The following PCDH11X variants were observed in gnomAD, a reference collection of about 807,000 sequenced individuals.
PCDH11X encodes protocadherin-11 X-linked.
In PCDH11X, 18 loss-of-function variants were observed where a neutral mutation model predicts 53.3. That is an observed-to-expected ratio of 0.34 (90% CI 0.23 to 0.50). The LOEUF (loss-of-function observed/expected upper bound fraction) is 0.50, where lower values mean the gene tolerates loss of function less well. PCDH11X is among the 20% of genes least tolerant of loss of function. PCDH11X has a pLI of 0.98. For missense variants in PCDH11X, 570 were observed against 1,032.4 expected (o/e 0.55, Z 6.14); for synonymous variants, 279 against 393.3 (o/e 0.71, Z 3.44).
chrX:92,353,855 A>G (rs2070121640), intron 8 of PCDH11X, among the ~76,000 whole-genome samples: 1 of 109,461 alleles, frequency 9.1e-6, no homozygotes, highest in Admixed American at 1.0e-4. Flanking sequence ...GCCTTGAGTC[A>G]AATTTTTTAA....
chrX:92,462,659 CT>C (rs1173788935), intron 9 of PCDH11X, among the ~76,000 whole-genome samples: 1 of 109,333 alleles, frequency 9.1e-6, no homozygotes, highest in Admixed American at 9.8e-5. Flanking sequence ...ATTATCATAA[CT>C]GCTTCATGTA....
intron 9 of PCDH11X, among the ~76,000 whole-genome samples, chrX:92,390,123 A>G (rs947815156): frequency 2.7e-5 from 3 of 110,890 alleles, no homozygotes; most frequent in African/African-American, 9.8e-5. Context: ...CCCATTTTCT[A>G]CAAGTCTAAC....
intron 7 of PCDH11X, among the ~76,000 whole-genome samples, chrX:92,240,182 G>T (rs1397432828): frequency 9.0e-6 from 1 of 111,417 alleles, no homozygotes; most frequent in African/African-American, 3.3e-5. Flanking sequence ...TTTCACAAAT[G>T]CACTAGTTGT....
At position 92,596,778 on chromosome X, in the gene PCDH11X, A is replaced by T. The variant is rs995201881; in HGVS notation, c.3368-21486A>T. 1.2e-4 allele frequency among the ~76,000 whole-genome samples: 13 copies of T among 110,536 alleles called. 1 individual carries two copies. The highest frequency in any genetic ancestry group is 1.2e-3 in the Admixed American group (12 of 10,333). ...AAGTAAAAGAAAACAACAGGCCCCA[A>T]TGTCTCTGATGAATATTGATGTAAA... On this transcript the variant is annotated intron_variant, in intron 10 of 10. Transcript: ENST00000682573.
intron 1 of PCDH11X, among the ~76,000 whole-genome samples, chrX:91,801,970 T>C (rs1481543728): frequency 8.8e-6 from 1 of 113,414 alleles, no homozygotes; most frequent in African/African-American, 3.2e-5. Context: ...TCTTGAAGAA[T>C]TGGTCTCGAG....
intron 6 of PCDH11X, among the ~76,000 whole-genome samples, chrX:91,891,194 T>C (rs1940459697): frequency 9.4e-6 from 1 of 106,805 alleles, no homozygotes; most frequent in Non-Finnish European, 1.9e-5. Context: ...TTATAGAGCA[T>C]CTTTCAACTG....
At position 91,812,487 on chromosome X, in the gene PCDH11X, G is replaced by A. The variant is rs373767948; in HGVS notation, c.-45+1192G>A. ...TACCTTTCATTCCTTCAAGTTTTCCGTTCATTGAAGTCATTCTCAGTTCTG... is the reference window on the plus strand; with the variant it reads ...TACCTTTCATTCCTTCAAGTTTTCCATTCATTGAAGTCATTCTCAGTTCTG... On this transcript the variant is annotated intron_variant, in intron 4 of 10. Coordinates refer to ENST00000682573, the MANE Select transcript of PCDH11X (RefSeq NM_032968.5). Among the ~76,000 whole-genome samples, 7 of 110,120 alleles carry A rather than the reference G, an allele frequency of 6.4e-5. No individual in the cohort carries two copies. The South Asian group carries it at 2.7e-3, about 43-fold the overall frequency.
intron 6 of PCDH11X, among the ~76,000 whole-genome samples, chrX:92,147,985 CTTTCTTTCTTTCTTTCTTTCTTT>C (rs2065324238): frequency 1.3e-5 from 1 of 76,684 alleles, no homozygotes; most frequent in African/African-American, 7.0e-5. Flanking sequence ...TCCTTCCTTC[CTTTCTTTCTTTCTTTCTTTCTTT>C]TTCTTTCCTT....
At chrX:91,998,140 G>T (rs2062450172) in intron 6 of PCDH11X, among the ~76,000 whole-genome samples, 1 of 110,115 alleles carries the variant, frequency 9.1e-6, no homozygotes, top group African/African-American at 3.3e-5. Flanking sequence ...CACCATGTTG[G>T]CCAGGCTGGG....
chrX:92,132,699 A>G (rs1335539613), intron 6 of PCDH11X, among the ~76,000 whole-genome samples: 6 of 96,291 alleles, frequency 6.2e-5, no homozygotes, highest in Admixed American at 1.2e-4. Flanking sequence ...ATATATATAT[A>G]TATATATGTA....
At chrX:92,212,801 A>G (rs994728905) in intron 7 of PCDH11X, among the ~76,000 whole-genome samples, 2 of 112,371 alleles carry the variant, frequency 1.8e-5, no homozygotes, top group Non-Finnish European at 3.7e-5. Context: ...TACTTTTAAG[A>G]TACTCACACT....
chrX:92,175,458 G>A (rs1223231264), intron 6 of PCDH11X, among the ~76,000 whole-genome samples: 1 of 110,491 alleles, frequency 9.1e-6, no homozygotes, highest in East Asian at 2.9e-4. Flanking sequence ...AGATGAGTAA[G>A]TGAACAGTTT....
In PCDH11X at chrX:92,618,544, G is replaced by A; in HGVS notation, c.3648G>A (p.Val1216=). 2.5e-6 allele frequency: 3 copies of A among 1,211,300 alleles called. No individual in the cohort carries two copies. The highest frequency in any genetic ancestry group is 3.4e-6 in the Non-Finnish European group (3 of 895,329). ...ALCHSPPPIQ[V]SALHHSPPLV... is the part of the protein sequence containing the mutation. ...GCCACAGCCCACCACCGATACAGGT[G>A]TCTGCTCTCCACCACAGTCCTCCTC... Residue 1216 remains valine (V), a synonymous_variant, in exon 11 of 11, where the codon GTG becomes GTA. Coordinates refer to ENST00000682573, the MANE Select transcript of PCDH11X (RefSeq NM_032968.5).
At position 92,067,892 on chromosome X, in the gene PCDH11X, A is replaced by G. The variant is rs768429692; in HGVS notation, c.3034-133483A>G. On this transcript the variant is annotated intron_variant, in intron 6 of 10. Coordinates refer to ENST00000682573, the MANE Select transcript of PCDH11X (RefSeq NM_032968.5). ...GATTTCTTCATGATTCCATGTTGGT[A>G]GGTTGTATGTGTCTAGGAATTTACC... is the stretch of plus-strand genomic sequence containing the variant. Among the ~76,000 whole-genome samples, 8 of 111,149 alleles carry G rather than the reference A, an allele frequency of 7.2e-5. No homozygotes were observed. In the South Asian group the frequency reaches 3.1e-3, roughly 42 times the overall value.
chrX:91,886,843 C>T (rs1357749454), intron 6 of PCDH11X, among the ~76,000 whole-genome samples: 11 of 107,133 alleles, frequency 1.0e-4, no homozygotes, highest in African/African-American at 1.4e-4. Flanking sequence ...TGGTGGCGGG[C>T]GCCTGTAGTC....
chrX:91,910,563 G>C (rs1395329032), intron 6 of PCDH11X, among the ~76,000 whole-genome samples: 3 of 110,798 alleles, frequency 2.7e-5, no homozygotes, highest in Non-Finnish European at 5.7e-5. Context: ...ACATCCTTTT[G>C]TTTGTTGATT....
At chrX:92,096,242 T>G (rs942801488) in intron 6 of PCDH11X, among the ~76,000 whole-genome samples, 5 of 111,613 alleles carry the variant, frequency 4.5e-5, no homozygotes, top group Non-Finnish European at 7.5e-5. Flanking sequence ...CTGTCTACCT[T>G]ATTCACAAAC....
At chrX:91,821,077 C>T (rs970836270) in intron 4 of PCDH11X, among the ~76,000 whole-genome samples, 1 of 105,033 alleles carries the variant, frequency 9.5e-6, no homozygotes, top group African/African-American at 4.0e-5. Flanking sequence ...TTACTGTAGC[C>T]TTGTAGTATA....
intron 5 of PCDH11X, among the ~76,000 whole-genome samples, chrX:91,856,723 T>C (rs1852785082): frequency 9.1e-6 from 1 of 110,224 alleles, no homozygotes; most frequent in Admixed American, 9.7e-5. Context: ...GTTCCTGTGT[T>C]AGTTTGCGGA....
Sources: gnomAD v4.1 joint callset for allele counts (sites outside exome capture counted in the v4.1 genomes callset) on GRCh38, gnomAD v4.1.1 for gene constraint, MANE v1.5 for transcripts, NCBI Gene and HGNC (gene_info 2026-07-23, HGNC 2026-07-21) for gene names.